Variants in PACRG observed in about 807,000 individuals in gnomAD.
The protein encoded by PACRG is parkin coregulated.
In PACRG, 29 loss-of-function variants were observed where a neutral mutation model predicts 29.7. That is an observed-to-expected ratio of 0.98 (90% CI 0.73 to 1.33). The LOEUF is 1.33. Among genes scored for constraint, PACRG ranks in the 40% most tolerant of loss-of-function variants. PACRG has a pLI of 0.00. For missense variants in PACRG, 279 were observed against 316.2 expected, an observed-to-expected ratio of 0.88 and a Z score of 0.89; for synonymous variants, 116 against 118.7, an observed-to-expected ratio of 0.98 and a Z score of 0.15.
At chr6:163,157,351 C>T (rs1338655147) in intron 4 of PACRG, among the ~76,000 whole-genome samples, 2 of 152,178 alleles carry the variant, frequency 1.3e-5, no homozygotes, top group Non-Finnish European at 2.9e-5. Flanking sequence ...ACCACCTCTG[C>T]AAAGCCTCCC....
At chr6:163,037,577 T>C (rs962525501) in intron 2 of PACRG, among the ~76,000 whole-genome samples, 1 of 152,254 alleles carries the variant, frequency 6.6e-6, no homozygotes, top group African/African-American at 2.4e-5. Flanking sequence ...GGCTTTGAGC[T>C]GGTCACTGTC....
chr6:162,827,130 T>G (rs963919882), intron 2 of PACRG, among the ~76,000 whole-genome samples: 24 of 152,160 alleles, frequency 1.6e-4, no homozygotes, highest in Non-Finnish European at 3.5e-4. Flanking sequence ...AAATTTTTAT[T>G]TATATATTTT....
At chr6:163,149,390 A>G (rs540469616) in intron 4 of PACRG, among the ~76,000 whole-genome samples, 35 of 152,250 alleles carry the variant, frequency 2.3e-4, no homozygotes, top group African/African-American at 8.4e-4. Flanking sequence ...GTAGATTTAA[A>G]AAGTGAAAAG....
At chr6:163,130,853 G>T (rs1325795455) in intron 4 of PACRG, among the ~76,000 whole-genome samples, 1 of 152,124 alleles carries the variant, frequency 6.6e-6, no homozygotes, top group South Asian at 2.1e-4. Context: ...ACTGCAGGTG[G>T]GTGTACTGAG....
At chr6:162,989,722 CT>C (rs66497763) in intron 2 of PACRG, among the ~76,000 whole-genome samples, 2,214 of 142,006 alleles carry the variant, frequency 0.016, 49 homozygotes, top group African/African-American at 0.047. Flanking sequence ...TCAGTACTTC[CT>C]TTTTTTTTTT....
intron 3 of PACRG, among the ~76,000 whole-genome samples, chr6:163,064,518 C>T (rs1381432614): frequency 6.6e-6 from 1 of 152,206 alleles, no homozygotes; most frequent in Non-Finnish European, 1.5e-5. Flanking sequence ...CTATTCGATA[C>T]TGATCCTGAG....
intron 2 of PACRG, among the ~76,000 whole-genome samples, chr6:162,895,271 C>CAAAAAA (rs35275122): frequency 5.3e-5 from 5 of 93,580 alleles, no homozygotes; most frequent in African/African-American, 1.2e-4. Context: ...CCCTCTCTCT[C>CAAAAAA]AAAAAAAAAA....
chr6:162,787,604 A>G lies in PACRG; in HGVS notation c.157-26543A>G, dbSNP rs909383153. Among the ~76,000 whole-genome samples, 10 of 139,312 alleles carry G rather than the reference A, an allele frequency of 7.2e-5. No individual in the cohort carries two copies. In the East Asian group the frequency reaches 1.3e-3, roughly 18 times the overall value. 91.4% of individuals were successfully genotyped at this position (139,312 alleles called of 152,430 possible). ...TGTGTATATATATATATATATATATATATATATATATATATATGGTTGTCC... is the reference window on the plus strand; with the variant it reads ...TGTGTATATATATATATATATATATGTATATATATATATATATGGTTGTCC... On this transcript the variant is annotated intron_variant, in intron 1 of 4. Transcript: ENST00000366888.
At chr6:163,156,469 A>G (rs1778321555) in intron 4 of PACRG, among the ~76,000 whole-genome samples, 1 of 151,878 alleles carries the variant, frequency 6.6e-6, no homozygotes, top group Non-Finnish European at 1.5e-5. Flanking sequence ...CGGTCTCCCT[A>G]CGACCGCCAC....
intron 1 of PACRG, among the ~76,000 whole-genome samples, chr6:162,772,958 G>A (rs1465070554): frequency 2.0e-5 from 3 of 152,154 alleles, no homozygotes; most frequent in Non-Finnish European, 4.4e-5. Flanking sequence ...TGGTGGAATT[G>A]CAGATAGAAA....
At chr6:163,144,672 G>A (rs1371908265) in intron 4 of PACRG, among the ~76,000 whole-genome samples, 1 of 152,158 alleles carries the variant, frequency 6.6e-6, no homozygotes, top group Admixed American at 6.5e-5. Context: ...AGGAGGCTGA[G>A]GCATGAGAAT....
chr6:163,205,000 T>C (rs1780845651), intron 4 of PACRG, among the ~76,000 whole-genome samples: 1 of 152,248 alleles, frequency 6.6e-6, no homozygotes, highest in African/African-American at 2.4e-5. Flanking sequence ...ACCTAGGGTA[T>C]AGCTAACCAT....
chr6:163,260,727 G>T (rs538388723), intron 4 of PACRG, among the ~76,000 whole-genome samples: 7 of 152,240 alleles, frequency 4.6e-5, no homozygotes, highest in African/African-American at 1.7e-4. Context: ...GTTCTGAGAT[G>T]GTTTCCTGTC....
chr6:163,019,482 A>G (rs1488927641), intron 2 of PACRG, among the ~76,000 whole-genome samples: 1 of 152,114 alleles, frequency 6.6e-6, no homozygotes. Flanking sequence ...GATTTGTACT[A>G]GAAGGGAAAT....
intron 1 of PACRG, among the ~76,000 whole-genome samples, chr6:162,736,147 T>C (rs1780148741): frequency 6.6e-6 from 1 of 152,198 alleles, no homozygotes; most frequent in Non-Finnish European, 1.5e-5. Flanking sequence ...CTCTGAGAAA[T>C]TGGTCATGTC....
At chr6:163,044,170 C>CT (rs368372180) in intron 2 of PACRG, among the ~76,000 whole-genome samples, 15,525 of 139,882 alleles carry the variant, frequency 0.11, 2,646 homozygotes, top group African/African-American at 0.37. Context: ...AAACAGATGA[C>CT]TTTTTTTTTT....
At chr6:162,747,822 C>T (rs1026843712) in intron 1 of PACRG, among the ~76,000 whole-genome samples, 3 of 151,892 alleles carry the variant, frequency 2.0e-5, no homozygotes, top group East Asian at 1.9e-4. Context: ...TAATGGGAGA[C>T]GGGGCTCAGG....
Position 163,255,392 on chromosome 6 carries a change from T to G in PACRG, c.614-59435T>G, listed in dbSNP as rs562522814. Among the ~76,000 whole-genome samples, 71 of 152,292 alleles carry G rather than the reference T, an allele frequency of 4.7e-4. 2 individuals are homozygous for G. The South Asian group carries it at 0.014, about 30-fold the overall frequency. ...GTACCTTCAATGTCCAGGAGGTGAC[T>G]GACGGGCAGCAGCCACTCAGGTGTT... On this transcript the variant is annotated intron_variant, in intron 4 of 4. Coordinates refer to ENST00000366888, the MANE Select transcript of PACRG (RefSeq NM_001080379.2).
At chr6:162,788,642 T>A (rs982648960) in intron 1 of PACRG, among the ~76,000 whole-genome samples, 3 of 152,208 alleles carry the variant, frequency 2.0e-5, no homozygotes, top group Non-Finnish European at 4.4e-5. Context: ...TGTATGAGAG[T>A]TCCTGTTGCT....
Sources: allele counts gnomAD v4.1 joint callset (sites outside exome capture counted in the v4.1 genomes callset), GRCh38; gene constraint gnomAD v4.1.1; transcripts MANE v1.5; gene names NCBI Gene and HGNC (gene_info 2026-07-23, HGNC 2026-07-21).